The following DPF3 variants were observed in gnomAD, a reference collection of about 807,000 sequenced individuals.
The protein encoded by DPF3 is double PHD fingers 3, also known as zinc finger protein DPF3.
In DPF3, 18 loss-of-function variants were observed where a neutral mutation model predicts 56.8. The ratio of observed to expected loss-of-function variants is 0.32; its 90% CI spans 0.22 to 0.47. The LOEUF is 0.47. Among genes scored for constraint, DPF3 ranks in the 20% least tolerant of loss-of-function variants. The pLI, the probability that DPF3 is intolerant of heterozygous loss-of-function variation, is 1.00. For missense variants in DPF3, 403 were observed against 488.8 expected, an observed-to-expected ratio of 0.82 and a Z score of 1.65; for synonymous variants, 188 against 180.2, an observed-to-expected ratio of 1.04 and a Z score of -0.35.
chr14:72,631,574 A>G (rs1302106609), intron 8 of DPF3, among the ~76,000 whole-genome samples: 1 of 152,090 alleles, frequency 6.6e-6, no homozygotes. Flanking sequence ...ATGCTCATAT[A>G]GGCAAGTTGA....
In DPF3 at chr14:72,618,636, G is replaced by A. The variant is rs1388932126; in HGVS notation, c.*661C>T. Among the ~76,000 whole-genome samples the A allele has an allele frequency of 2.6e-5, 4 of 152,066 alleles. No individual in the cohort carries two copies. Among genetic ancestry groups the A allele is most frequent in the African/African-American group, 9.7e-5 (4 of 41,384 alleles). On this transcript the variant is annotated 3_prime_UTR_variant, in exon 11 of 11. Transcript: ENST00000556509. ...ACAATGTTTCCTCCCATGTCTCTGC[G>A]CGTCTCCCTCCCTCCCCGCCCCCAT...
chr14:72,656,828 T>A lies in DPF3; in HGVS notation c.871+17412A>T, dbSNP rs539873058. Among the ~76,000 whole-genome samples, 61 of 152,330 alleles carry A rather than the reference T, an allele frequency of 4.0e-4. No homozygotes were observed. The South Asian group carries it at 0.012, about 31-fold the overall frequency. ...CCTGAGGTCTGAAAGTCACTGATCC[T>A]CTCAGCACAATGGAGTATCCACTAA... is the stretch of plus-strand genomic sequence containing the variant. On this transcript the variant is annotated intron_variant, in intron 8 of 10. Transcript: ENST00000556509.
chr14:72,891,479 G>T (rs1004048321), intron 1 of DPF3, among the ~76,000 whole-genome samples: 2 of 151,918 alleles, frequency 1.3e-5, no homozygotes, highest in Non-Finnish European at 2.9e-5. Flanking sequence ...CCATCCCTTC[G>T]GCTGGATGTG....
At chr14:72,680,178 T>G (rs986352248) in intron 7 of DPF3, among the ~76,000 whole-genome samples, 21 of 152,222 alleles carry the variant, frequency 1.4e-4, no homozygotes, top group African/African-American at 3.9e-4. Flanking sequence ...CCGGGATAAA[T>G]GGCCTTAATT....
intron 8 of DPF3, among the ~76,000 whole-genome samples, chr14:72,645,130 G>A (rs751560202): frequency 1.2e-4 from 18 of 152,118 alleles, no homozygotes; most frequent in Non-Finnish European, 2.2e-4. Context: ...TCTTAAGCAG[G>A]TCACTGGTCA....
At chr14:72,873,889 C>T (rs1047132980) in intron 1 of DPF3, among the ~76,000 whole-genome samples, 5 of 148,732 alleles carry the variant, frequency 3.4e-5, no homozygotes, top group African/African-American at 5.0e-5. Flanking sequence ...CACATGGACA[C>T]AGGACGGGGA....
chr14:72,845,290 G>A (rs967953498), intron 1 of DPF3, among the ~76,000 whole-genome samples: 4 of 152,304 alleles, frequency 2.6e-5, no homozygotes, highest in East Asian at 1.9e-4. Context: ...GGGAGAAAAC[G>A]TGGATGAAAA....
chr14:72,863,156 G>A, intron 1 of DPF3, among the ~76,000 whole-genome samples: 2 of 57,344 alleles, frequency 3.5e-5, no homozygotes, highest in East Asian at 1.6e-3. Context: ...ATGTGTGTGT[G>A]TGTGTGTGTG....
At chr14:72,818,006 G>A (rs1883362253) in intron 1 of DPF3, among the ~76,000 whole-genome samples, 1 of 152,156 alleles carries the variant, frequency 6.6e-6, no homozygotes, top group Admixed American at 6.5e-5. Context: ...AGCACTTTGG[G>A]AGGCCAAGGT....
intron 1 of DPF3, among the ~76,000 whole-genome samples, chr14:72,792,931 TA>T (rs5809591): frequency 0.56 from 83,129 of 147,844 alleles, 26,405 homozygotes; most frequent in East Asian, 0.79. Flanking sequence ...AATAATAATT[TA>T]AAAAAAAAAA....
chr14:72,880,763 G>A (rs977434417), intron 1 of DPF3, among the ~76,000 whole-genome samples: 4 of 152,104 alleles, frequency 2.6e-5, no homozygotes, highest in African/African-American at 7.2e-5. Context: ...AGGCTGGCTC[G>A]AACTCCTGGG....
At chr14:72,873,033 C>A (rs1885963907) in intron 1 of DPF3, among the ~76,000 whole-genome samples, 1 of 152,180 alleles carries the variant, frequency 6.6e-6, no homozygotes, top group Admixed American at 6.5e-5. Flanking sequence ...ATGTCTAAAA[C>A]ACCAAAAGCA....
intron 1 of DPF3, among the ~76,000 whole-genome samples, chr14:72,777,966 A>G (rs1035720466): frequency 2.6e-5 from 4 of 152,180 alleles, no homozygotes; most frequent in African/African-American, 9.7e-5. Flanking sequence ...GGAGGTAATC[A>G]GGTCAGGAGG....
At chr14:72,629,826 G>A (rs553430511) in intron 8 of DPF3, 90 bp from the exon 9 acceptor site, 14 of 1,076,504 alleles carry the variant, frequency 1.3e-5, no homozygotes, top group African/African-American at 1.2e-4. Context: ...GATGCCCAGT[G>A]TGCAGGCAGG....
chr14:72,885,399 T>G (rs1044137645), intron 1 of DPF3, among the ~76,000 whole-genome samples: 1 of 151,298 alleles, frequency 6.6e-6, no homozygotes, highest in Non-Finnish European at 1.5e-5. Flanking sequence ...TGTTTGTTTG[T>G]TTGTTTGTTT....
At chr14:72,762,030 T>C (rs1648539015) in intron 2 of DPF3, among the ~76,000 whole-genome samples, 1 of 151,792 alleles carries the variant, frequency 6.6e-6, no homozygotes, top group African/African-American at 2.4e-5. Flanking sequence ...CCTATATCTA[T>C]AAAATAAATT....
intron 3 of DPF3, among the ~76,000 whole-genome samples, chr14:72,739,729 G>A (rs750439120): frequency 5.9e-5 from 9 of 152,130 alleles, no homozygotes; most frequent in African/African-American, 7.2e-5. Flanking sequence ...CTGGAGCTTC[G>A]GGGGAAAAAT....
chr14:72,744,587 C>T (rs1009800194), intron 3 of DPF3, among the ~76,000 whole-genome samples: 3 of 152,112 alleles, frequency 2.0e-5, no homozygotes, highest in African/African-American at 7.2e-5. Context: ...GCACTGTCCT[C>T]AGATCTTCTC....
intron 1 of DPF3, among the ~76,000 whole-genome samples, chr14:72,820,218 C>A (rs962403630): frequency 6.6e-6 from 1 of 151,908 alleles, no homozygotes; most frequent in East Asian, 1.9e-4. Context: ...AAATATTTGC[C>A]ACATGTATGA....
Sources: gnomAD v4.1 joint callset for allele counts (sites outside exome capture counted in the v4.1 genomes callset) on GRCh38, gnomAD v4.1.1 for gene constraint, MANE v1.5 for transcripts, NCBI Gene and HGNC (gene_info 2026-07-23, HGNC 2026-07-21) for gene names.